CSMD1: variants seen among roughly 807,000 people sequenced by gnomAD.
CSMD1 encodes the protein CUB and sushi domain-containing protein 1.
Under a neutral mutation model 417.5 loss-of-function variants are expected in CSMD1, and 213 were observed. That is an observed-to-expected ratio of 0.51 (90% CI 0.46 to 0.57). CSMD1 has a LOEUF of 0.57. Ranked by LOEUF, CSMD1 falls within the 20% of genes least tolerant of loss-of-function variation. The pLI is 0.00. For synonymous variants in CSMD1, 2,862 were observed against 1,736.8 expected, an observed-to-expected ratio of 1.65 and a Z score of -16.11; for missense variants, 6,923 against 4,529.7, an observed-to-expected ratio of 1.53 and a Z score of -15.17.
At chr8:3,566,215 G>C (rs954412133) in intron 10 of CSMD1, among the ~76,000 whole-genome samples, 4 of 151,826 alleles carry the variant, frequency 2.6e-5, no homozygotes, top group Non-Finnish European at 5.9e-5. Flanking sequence ...GAGGAGGAGA[G>C]GGAAGAGGAA....
chr8:4,264,360 T>A (rs1409675876), intron 3 of CSMD1, among the ~76,000 whole-genome samples: 2 of 152,330 alleles, frequency 1.3e-5, no homozygotes, highest in African/African-American at 4.8e-5. Flanking sequence ...AGAGCTCCTG[T>A]CTTTCCACTT....
chr8:4,487,780 A>C (rs943121145), intron 2 of CSMD1, among the ~76,000 whole-genome samples: 2 of 152,092 alleles, frequency 1.3e-5, no homozygotes, highest in African/African-American at 4.8e-5. Context: ...AAAATGTCCT[A>C]AATATACTTA....
intron 5 of CSMD1, among the ~76,000 whole-genome samples, chr8:3,958,900 A>G (rs1812142710): frequency 6.6e-6 from 1 of 152,232 alleles, no homozygotes; most frequent in African/African-American, 2.4e-5. Flanking sequence ...AGTGAACGTG[A>G]CAATTCTAAT....
chr8:4,486,140 T>TAGGC lies in CSMD1; in HGVS notation c.303-66076_303-66075insGCCT, dbSNP rs1563223564. 3.0e-3 allele frequency among the ~76,000 whole-genome samples: 95 copies of TAGGC among 31,236 alleles called. 44 individuals carry two copies. Among genetic ancestry groups the TAGGC allele is most frequent in the South Asian group, 8.7e-3 (10 of 1,148 alleles). The allele number at this position is 31,236 out of a possible 152,430, so 20.5% of individuals were successfully genotyped here. On this transcript the variant is annotated intron_variant, in intron 2 of 69. Coordinates refer to ENST00000635120, the MANE Select transcript of CSMD1 (RefSeq NM_033225.6). ...ATACATACATATATATATATATACA[T>TAGGC]ACATATATATATATATACATACATA... is the stretch of plus-strand genomic sequence containing the variant.
chr8:3,323,137 CTTA>C (rs1049742655), intron 23 of CSMD1, among the ~76,000 whole-genome samples: 1 of 152,234 alleles, frequency 6.6e-6, no homozygotes, highest in Admixed American at 6.5e-5. Context: ...CTAACATTGT[CTTA>C]TTAGTAGGTT....
intron 1 of CSMD1, among the ~76,000 whole-genome samples, chr8:4,893,793 A>G (rs1033218273): frequency 2.6e-5 from 4 of 152,102 alleles, no homozygotes; most frequent in Admixed American, 2.6e-4. Flanking sequence ...CATTGTTCAG[A>G]TTCCAATGTC....
chr8:4,046,779 C>G (rs563907214), intron 3 of CSMD1, among the ~76,000 whole-genome samples: 2 of 152,226 alleles, frequency 1.3e-5, no homozygotes, highest in South Asian at 4.2e-4. Flanking sequence ...GTAATTAATG[C>G]ACAGCCTGGG....
intron 2 of CSMD1, among the ~76,000 whole-genome samples, chr8:4,453,801 GCGCAA>G (rs1799296972): frequency 7.2e-6 from 1 of 139,126 alleles, no homozygotes; most frequent in African/African-American, 2.7e-5. Flanking sequence ...GAACAAGATT[GCGCAA>G]TTCGTTTCTT....
At chr8:4,191,060 GTAAC>G (rs1467622484) in intron 3 of CSMD1, among the ~76,000 whole-genome samples, 1 of 151,374 alleles carries the variant, frequency 6.6e-6, no homozygotes, top group African/African-American at 2.5e-5. Flanking sequence ...GTTTACCTAT[GTAAC>G]TAAGATACAC....
chr8:3,728,405 G>C (rs1378897865), intron 6 of CSMD1, among the ~76,000 whole-genome samples: 1 of 152,192 alleles, frequency 6.6e-6, no homozygotes, highest in Non-Finnish European at 1.5e-5. Flanking sequence ...TTTATCAGCA[G>C]CATGAAAACA....
chr8:3,211,246 T>C (rs1235560106), intron 30 of CSMD1, among the ~76,000 whole-genome samples: 2 of 152,272 alleles, frequency 1.3e-5, no homozygotes, highest in East Asian at 3.9e-4. Flanking sequence ...GGTCTTGCTA[T>C]GTTGTCCAGA....
Position 4,350,523 on chromosome 8 carries a change from G to A in CSMD1, c.415+69430C>T, listed in dbSNP as rs181013708. 2.8e-3 allele frequency among the ~76,000 whole-genome samples: 431 copies of A among 152,302 alleles called. 3 individuals carry two copies. The highest frequency in any genetic ancestry group is 0.01 in the African/African-American group (425 of 41,574). ...CACCGCAGCAGTGAGCTCTCAGCCT[G>A]AAGGAGGTAGGAATGGAGGCTAATG... On this transcript the variant is annotated intron_variant, in intron 3 of 69. Transcript: ENST00000635120.
chr8:3,825,863 A>C (rs1802028183), intron 5 of CSMD1, among the ~76,000 whole-genome samples: 1 of 152,224 alleles, frequency 6.6e-6, no homozygotes, highest in African/African-American at 2.4e-5. Flanking sequence ...GACGCATTGT[A>C]CACTAGGGCA....
intron 7 of CSMD1, among the ~76,000 whole-genome samples, chr8:3,660,457 A>C: frequency 7.0e-6 from 1 of 143,204 alleles, no homozygotes; most frequent in African/African-American, 2.6e-5. Flanking sequence ...ATTTATATGT[A>C]AACTAGGGCT....
rs1180367739 is a variant in CSMD1 at position 3,344,409 on chromosome 8, G to T, written c.3475-959C>A. Among the ~76,000 whole-genome samples, 3 of 152,194 alleles carry T rather than the reference G, an allele frequency of 2.0e-5. No individual in the cohort carries two copies. The East Asian group carries it at 5.8e-4, about 29-fold the overall frequency. ...AAATCACCATGGCACATGTATACCTGGGTAACAAGCCTGCACTTCCTGCAC... is the reference window on the plus strand; with the variant it reads ...AAATCACCATGGCACATGTATACCTTGGTAACAAGCCTGCACTTCCTGCAC... On this transcript the variant is annotated intron_variant, in intron 22 of 69. Transcript: ENST00000635120.
At chr8:4,166,681 C>G (rs1442341258) in intron 3 of CSMD1, among the ~76,000 whole-genome samples, 1 of 151,924 alleles carries the variant, frequency 6.6e-6, no homozygotes, top group Admixed American at 6.6e-5. Context: ...ATGGGTGCAC[C>G]AAAATCAAGA....
chr8:3,567,264 A>C (rs752926593), intron 10 of CSMD1, among the ~76,000 whole-genome samples: 16 of 152,026 alleles, frequency 1.1e-4, no homozygotes, highest in Non-Finnish European at 1.6e-4. Flanking sequence ...ACTAGGAACT[A>C]CTGGAGGGTG....
chr8:4,765,848 G>T (rs1407256338), intron 1 of CSMD1, among the ~76,000 whole-genome samples: 1 of 152,128 alleles, frequency 6.6e-6, no homozygotes, highest in Non-Finnish European at 1.5e-5. Context: ...CTTAGTAACT[G>T]GGCTGATTTC....
intron 1 of CSMD1, among the ~76,000 whole-genome samples, chr8:4,959,232 T>C (rs1489291590): frequency 6.6e-6 from 1 of 152,336 alleles, no homozygotes; most frequent in Non-Finnish European, 1.5e-5. Flanking sequence ...GCTTGTTATG[T>C]ATTTTTAAAA....
Sources: gnomAD v4.1 joint callset for allele counts (sites outside exome capture counted in the v4.1 genomes callset) on GRCh38, gnomAD v4.1.1 for gene constraint, MANE v1.5 for transcripts, NCBI Gene and HGNC (gene_info 2026-07-23, HGNC 2026-07-21) for gene names.